SPATA17: variants seen among roughly 807,000 people sequenced by gnomAD.
SPATA17 encodes the protein spermatogenesis associated 17, also known as spermatogenesis-associated protein 17.
Under a neutral mutation model 62.2 loss-of-function variants are expected in SPATA17, and 53 were observed. The observed-to-expected ratio is 0.85, with a 90% CI of 0.68 to 1.07. SPATA17 has a LOEUF of 1.07. Among genes scored for constraint, SPATA17 ranks in the 50% least tolerant of loss-of-function variants. The pLI is 0.00. For synonymous variants in SPATA17, 146 were observed against 146.8 expected, an observed-to-expected ratio of 0.99 and a Z score of 0.04; for missense variants, 466 against 425.5, an observed-to-expected ratio of 1.10 and a Z score of -0.84.
At chr1:217,838,075 CT>C (rs1479889201) in intron 9 of SPATA17, among the ~76,000 whole-genome samples, 3 of 151,996 alleles carry the variant, frequency 2.0e-5, no homozygotes, top group Non-Finnish European at 1.5e-5. Flanking sequence ...GCATGTTACC[CT>C]GATATTATAG....
intron 9 of SPATA17, among the ~76,000 whole-genome samples, chr1:217,817,520 T>C (rs920432319): frequency 3.3e-5 from 5 of 152,060 alleles, no homozygotes; most frequent in Non-Finnish European, 7.4e-5. Context: ...ACCTCTTTCC[T>C]TTATAATTTA....
intron 7 of SPATA17, among the ~76,000 whole-genome samples, chr1:217,778,064 TCAA>T (rs1375410299): frequency 1.3e-5 from 2 of 152,270 alleles, no homozygotes; most frequent in Non-Finnish European, 2.9e-5. Flanking sequence ...TAACTTTGCA[TCAA>T]CAAGCAATTA....
intron 5 of SPATA17, among the ~76,000 whole-genome samples, chr1:217,737,601 A>T (rs1672538148): frequency 6.6e-6 from 1 of 152,112 alleles, no homozygotes; most frequent in South Asian, 2.1e-4. Flanking sequence ...TCATTGATTG[A>T]ATCCAGGCTG....
Position 217,868,482 on chromosome 1 carries a change from G to A in SPATA17, c.*1463G>A, listed in dbSNP as rs1398249249. On this transcript the variant is annotated 3_prime_UTR_variant, in exon 11 of 11. Transcript: ENST00000366933. ...GCCTCACCTACCTTAAATATGCTCA[G>A]AACACATACGTTAGCCTATAGTTGG... The A allele has an allele frequency of 3.3e-5, 5 of 151,990 alleles. No individual in the cohort carries two copies. The highest frequency in any genetic ancestry group is 9.7e-5 in the African/African-American group (4 of 41,376). 9.4% of individuals were successfully genotyped at this position (151,990 alleles called of 1,614,324 possible).
At chr1:217,716,897 C>A (rs1057244867) in intron 5 of SPATA17, among the ~76,000 whole-genome samples, 2 of 152,196 alleles carry the variant, frequency 1.3e-5, no homozygotes, top group Non-Finnish European at 2.9e-5. Context: ...ACACAAACCC[C>A]CTTTTGGGAT....
intron 4 of SPATA17, among the ~76,000 whole-genome samples, chr1:217,680,474 T>C (rs971902707): frequency 1.3e-5 from 2 of 152,208 alleles, no homozygotes; most frequent in Admixed American, 1.3e-4. Flanking sequence ...TAATATAATA[T>C]TGGTAAAATT....
chr1:217,835,424 A>T (rs890245236), intron 9 of SPATA17, among the ~76,000 whole-genome samples: 3 of 152,118 alleles, frequency 2.0e-5, no homozygotes, highest in African/African-American at 7.2e-5. Context: ...CCTACAAAGG[A>T]CTTCCTCCAG....
intron 5 of SPATA17, among the ~76,000 whole-genome samples, chr1:217,738,708 T>G (rs1672565952): frequency 6.6e-6 from 1 of 152,192 alleles, no homozygotes; most frequent in African/African-American, 2.4e-5. Flanking sequence ...TCCCAACACT[T>G]GGGGAAGCCA....
intron 5 of SPATA17, among the ~76,000 whole-genome samples, chr1:217,686,394 T>C (rs1671215133): frequency 2.0e-5 from 3 of 152,152 alleles, no homozygotes; most frequent in South Asian, 4.1e-4. Flanking sequence ...ATGTTATTTA[T>C]GATATTTTAA....
chr1:217,850,422 C>T (rs1675621889), intron 9 of SPATA17: 1 of 1,277,506 alleles, frequency 7.8e-7, no homozygotes, highest in Non-Finnish European at 1.1e-6. Flanking sequence ...ATCTCAGACG[C>T]TGGACCAGGT....
chr1:217,655,001 C>T (rs541781821), intron 3 of SPATA17, among the ~76,000 whole-genome samples: 40 of 152,282 alleles, frequency 2.6e-4, no homozygotes, highest in South Asian at 1.0e-3. Flanking sequence ...TGAGCCACCG[C>T]ACCCAGCCCT....
At chr1:217,684,991 A>C (rs1671184777) in intron 5 of SPATA17, among the ~76,000 whole-genome samples, 1 of 152,148 alleles carries the variant, frequency 6.6e-6, no homozygotes, top group Non-Finnish European at 1.5e-5. Context: ...GAGAAGTAGG[A>C]AAATTCAGAA....
At chr1:217,818,612 G>C (rs1404773991) in intron 9 of SPATA17, among the ~76,000 whole-genome samples, 2 of 151,858 alleles carry the variant, frequency 1.3e-5, no homozygotes, top group Admixed American at 6.6e-5. Context: ...AATCTTATGG[G>C]AACATCATCA....
At chr1:217,790,653 C>T (rs1673975382) in intron 8 of SPATA17, among the ~76,000 whole-genome samples, 1 of 152,106 alleles carries the variant, frequency 6.6e-6, no homozygotes, top group Admixed American at 6.5e-5. Flanking sequence ...TGGTCTCAAT[C>T]TCCTGACCTC....
chr1:217,713,401 G>T (rs1171545485), intron 5 of SPATA17, among the ~76,000 whole-genome samples: 1 of 151,698 alleles, frequency 6.6e-6, no homozygotes, highest in Non-Finnish European at 1.5e-5. Flanking sequence ...AGCAGATGTT[G>T]TTGACTGATA....
intron 8 of SPATA17, among the ~76,000 whole-genome samples, chr1:217,799,334 C>G (rs1674235504): frequency 6.6e-6 from 1 of 151,978 alleles, no homozygotes; most frequent in Admixed American, 6.6e-5. Context: ...AAATTTTGTT[C>G]AGACACAAAA....
chr1:217,704,463 G>A (rs954577669), intron 5 of SPATA17, among the ~76,000 whole-genome samples: 1 of 149,474 alleles, frequency 6.7e-6, no homozygotes, highest in Admixed American at 6.7e-5. Context: ...TGTTAGCCAG[G>A]ATGGTCTCGA....
chr1:217,704,087 G>T (rs1205035119), intron 5 of SPATA17, among the ~76,000 whole-genome samples: 1 of 136,324 alleles, frequency 7.3e-6, no homozygotes, highest in East Asian at 2.0e-4. Context: ...ACTCTTTTAG[G>T]TTCAGGGTAC....
intron 9 of SPATA17, among the ~76,000 whole-genome samples, chr1:217,816,922 T>C (rs1468194564): frequency 6.6e-6 from 1 of 152,072 alleles, no homozygotes; most frequent in African/African-American, 2.4e-5. Context: ...ATACATACTA[T>C]TGATCAAATA....
Sources: gnomAD v4.1 joint callset for allele counts (sites outside exome capture counted in the v4.1 genomes callset) on GRCh38, gnomAD v4.1.1 for gene constraint, MANE v1.5 for transcripts, NCBI Gene and HGNC (gene_info 2026-07-23, HGNC 2026-07-21) for gene names.